The following PTPRD variants were observed in gnomAD, a reference collection of about 807,000 sequenced individuals.
The protein encoded by PTPRD is protein tyrosine phosphatase receptor type D, also known as receptor-type tyrosine-protein phosphatase delta.
In PTPRD, 34 loss-of-function variants were observed where a neutral mutation model predicts 214.5. The observed-to-expected ratio is 0.16, with a 90% CI of 0.12 to 0.21. The LOEUF is 0.21. Among genes scored for constraint, PTPRD ranks in the 10% least tolerant of loss-of-function variants. PTPRD has a pLI of 1.00. For missense variants in PTPRD, 2,545 were observed against 2,398.7 expected (o/e 1.06, Z -1.27); for synonymous variants, 1,128 against 845.7 (o/e 1.33, Z -5.79).
intron 11 of PTPRD, among the ~76,000 whole-genome samples, chr9:8,834,432 T>C (rs201944313): frequency 2.6e-5 from 3 of 117,290 alleles, no homozygotes; most frequent in Non-Finnish European, 5.5e-5. Context: ...TTATAACCTG[T>C]TTTTGTTTAT....
At chr9:9,209,061 G>C (rs1000207332) in intron 9 of PTPRD, among the ~76,000 whole-genome samples, 1 of 152,028 alleles carries the variant, frequency 6.6e-6, no homozygotes, top group African/African-American at 2.4e-5. Flanking sequence ...GCCCGCCTTG[G>C]CCTCCCAAAG....
At chr9:10,204,999 G>C (rs910146093) in intron 3 of PTPRD, among the ~76,000 whole-genome samples, 2 of 151,748 alleles carry the variant, frequency 1.3e-5, no homozygotes, top group African/African-American at 4.8e-5. Flanking sequence ...TTAATACTTT[G>C]AATGCTATAA....
At chr9:8,814,975 C>T (rs1389291595) in intron 11 of PTPRD, among the ~76,000 whole-genome samples, 4 of 152,142 alleles carry the variant, frequency 2.6e-5, no homozygotes, top group African/African-American at 9.7e-5. Flanking sequence ...TCTGAAACTA[C>T]CTCTTCTTAT....
chr9:10,186,195 G>C (rs144916903), intron 3 of PTPRD, among the ~76,000 whole-genome samples: 1 of 151,868 alleles, frequency 6.6e-6, no homozygotes, highest in Admixed American at 6.6e-5. Context: ...ACTTGGAAAA[G>C]TTAAATATAA....
At chr9:10,145,248 T>A (rs1335895288) in intron 3 of PTPRD, among the ~76,000 whole-genome samples, 1 of 152,020 alleles carries the variant, frequency 6.6e-6, no homozygotes, top group African/African-American at 2.4e-5. Context: ...TTCAGGCAGA[T>A]TAAAATGAAT....
At chr9:10,473,366 G>A (rs2099043360) in intron 2 of PTPRD, among the ~76,000 whole-genome samples, 1 of 152,060 alleles carries the variant, frequency 6.6e-6, no homozygotes, top group Non-Finnish European at 1.5e-5. Context: ...CATAGTTATG[G>A]TTGTGTCTGG....
intron 9 of PTPRD, among the ~76,000 whole-genome samples, chr9:9,195,615 C>A (rs1454678211): frequency 6.6e-6 from 1 of 151,792 alleles, no homozygotes; most frequent in East Asian, 1.9e-4. Flanking sequence ...CAACTTGAAA[C>A]CTTTCATTTG....
intron 7 of PTPRD, among the ~76,000 whole-genome samples, chr9:9,586,465 A>T (rs1219748532): frequency 6.6e-6 from 1 of 152,014 alleles, no homozygotes; most frequent in East Asian, 1.9e-4. Flanking sequence ...TAGTAATAAA[A>T]ATATTCTCAT....
chr9:8,932,449 T>G (rs10816005), intron 11 of PTPRD, among the ~76,000 whole-genome samples: 20,081 of 152,192 alleles, frequency 0.13, 1,717 homozygotes, highest in South Asian at 0.18. Flanking sequence ...GTTGTTCAGT[T>G]TCCATGTAGT....
intron 2 of PTPRD, among the ~76,000 whole-genome samples, chr9:10,545,291 C>T (rs1394329918): frequency 1.3e-5 from 2 of 152,096 alleles, no homozygotes; most frequent in African/African-American, 4.8e-5. Flanking sequence ...TCCCTGCATG[C>T]CTGGAGGTAT....
chr9:9,727,557 T>C (rs149519012), intron 7 of PTPRD, among the ~76,000 whole-genome samples: 50 of 152,190 alleles, frequency 3.3e-4, no homozygotes, highest in Non-Finnish European at 7.4e-5. Flanking sequence ...CACTAAGTGA[T>C]CACTCTTCCA....
At chr9:8,774,854 G>A (rs914153914) in intron 11 of PTPRD, among the ~76,000 whole-genome samples, 1 of 152,082 alleles carries the variant, frequency 6.6e-6, no homozygotes, top group African/African-American at 2.4e-5. Context: ...ACTTTAAAGG[G>A]AGAAAATATA....
At chr9:8,763,071 C>A (rs2094504921) in intron 11 of PTPRD, among the ~76,000 whole-genome samples, 1 of 152,168 alleles carries the variant, frequency 6.6e-6, no homozygotes, top group East Asian at 1.9e-4. Flanking sequence ...CAGATTCCAG[C>A]AGGAGTAGCC....
At chr9:9,759,604 C>T (rs1305111478) in intron 6 of PTPRD, among the ~76,000 whole-genome samples, 2 of 136,116 alleles carry the variant, frequency 1.5e-5, no homozygotes, top group Non-Finnish European at 3.0e-5. Flanking sequence ...GTCACCCAGG[C>T]TGAAGTGTAG....
chr9:9,291,633 G>A (rs1951175726), intron 9 of PTPRD, among the ~76,000 whole-genome samples: 1 of 151,018 alleles, frequency 6.6e-6, no homozygotes, highest in Non-Finnish European at 1.5e-5. Context: ...AGTTTATATT[G>A]CTTATGGTTT....
At chr9:10,056,471 G>T in intron 3 of PTPRD, among the ~76,000 whole-genome samples, 1 of 151,332 alleles carries the variant, frequency 6.6e-6, no homozygotes, top group Middle Eastern at 3.4e-3. Context: ...GAATAAAGAA[G>T]TCAGTCTTTT....
chr9:8,535,800 G>C (rs1253611170), intron 14 of PTPRD, among the ~76,000 whole-genome samples: 1 of 151,890 alleles, frequency 6.6e-6, no homozygotes, highest in Non-Finnish European at 1.5e-5. Context: ...AAACACCTCT[G>C]TACAAAGTCT....
chr9:8,793,765 T>C (rs892501), intron 11 of PTPRD, among the ~76,000 whole-genome samples: 3,524 of 152,274 alleles, frequency 0.023, 159 homozygotes, highest in African/African-American at 0.08. Flanking sequence ...AAGTGCTTTA[T>C]TTGGATATTA....
intron 3 of PTPRD, among the ~76,000 whole-genome samples, chr9:10,295,054 G>A (rs1003981042): frequency 6.6e-6 from 1 of 151,912 alleles, no homozygotes; most frequent in Non-Finnish European, 1.5e-5. Flanking sequence ...AAACTTAATC[G>A]TTGAACATCT....
Sources: allele counts gnomAD v4.1 joint callset (sites outside exome capture counted in the v4.1 genomes callset), GRCh38; gene constraint gnomAD v4.1.1; transcripts MANE v1.5; gene names NCBI Gene and HGNC (gene_info 2026-07-23, HGNC 2026-07-21).